C1orf21: variants seen among roughly 807,000 people sequenced by gnomAD.
C1orf21 encodes the protein chromosome 1 open reading frame 21.
Under a neutral mutation model 18.7 loss-of-function variants are expected in C1orf21, and 3 were observed. That is an observed-to-expected ratio of 0.16 (90% CI 0.07 to 0.42). The LOEUF (loss-of-function observed/expected upper bound fraction) is 0.42, where lower values mean the gene tolerates loss of function less well. C1orf21 is among the 10% of genes least tolerant of loss of function. The pLI is 0.99. For synonymous variants in C1orf21, 41 were observed against 46.4 expected, an observed-to-expected ratio of 0.88 and a Z score of 0.47; for missense variants, 104 against 143.6, an observed-to-expected ratio of 0.72 and a Z score of 1.41.
intron 5 of C1orf21, among the ~76,000 whole-genome samples, chr1:184,607,280 A>G (rs1239775536): frequency 2.0e-5 from 3 of 152,344 alleles, no homozygotes; most frequent in African/African-American, 2.4e-5. Flanking sequence ...AGGGAGCCGG[A>G]TGAGTATCAT....
At chr1:184,576,471 G>A (rs1659191218) in intron 3 of C1orf21, among the ~76,000 whole-genome samples, 1 of 152,218 alleles carries the variant, frequency 6.6e-6, no homozygotes, top group South Asian at 2.1e-4. Flanking sequence ...AGAACAGACA[G>A]TTCTCAGAAC....
chr1:184,593,303 A>G lies in C1orf21; in HGVS notation c.266+2488A>G, dbSNP rs139737562. The stretch of plus-strand genomic sequence containing the variant: ...TGTGTGTGTGTGTGTGTACACACAC[A>G]TGTGTGTATGTATTTCAAACTGTGA... On this transcript the variant is annotated intron_variant, in intron 4 of 5. Transcript: ENST00000235307. Among the ~76,000 whole-genome samples the G allele has an allele frequency of 7.5e-3, 1,147 of 152,106 alleles. 6 individuals carry two copies. Among genetic ancestry groups the G allele is most frequent in the Middle Eastern group, 0.02 (6 of 294 alleles).
chr1:184,575,716 AC>A (rs2101991998), intron 3 of C1orf21, among the ~76,000 whole-genome samples: 1 of 152,156 alleles, frequency 6.6e-6, no homozygotes, highest in Admixed American at 6.5e-5. Context: ...AAATTTTAAT[AC>A]AAAGAGTTCA....
chr1:184,556,327 A>G (rs1365450155), intron 3 of C1orf21, among the ~76,000 whole-genome samples: 1 of 152,206 alleles, frequency 6.6e-6, no homozygotes, highest in Non-Finnish European at 1.5e-5. Flanking sequence ...TTATCAAAGC[A>G]TATCCAAAAA....
At chr1:184,499,132 CT>C (rs1261644621) in intron 2 of C1orf21, among the ~76,000 whole-genome samples, 1 of 151,978 alleles carries the variant, frequency 6.6e-6, no homozygotes, top group African/African-American at 2.4e-5. Context: ...CCTCCTACCC[CT>C]CTTCTTCCTC....
intron 5 of C1orf21, among the ~76,000 whole-genome samples, chr1:184,618,641 C>G (rs921979652): frequency 6.8e-6 from 1 of 146,506 alleles, no homozygotes; most frequent in Non-Finnish European, 1.5e-5. Context: ...AACATTCCCC[C>G]CCCCCAAGAA....
intron 3 of C1orf21, among the ~76,000 whole-genome samples, chr1:184,541,256 CT>C (rs995741076): frequency 2.0e-5 from 3 of 152,136 alleles, no homozygotes; most frequent in African/African-American, 7.2e-5. Context: ...ATAAATTATA[CT>C]TTTTTCACAC....
chr1:184,427,694 C>T (rs1656663591), intron 1 of C1orf21, among the ~76,000 whole-genome samples: 1 of 152,206 alleles, frequency 6.6e-6, no homozygotes, highest in Admixed American at 6.5e-5. Flanking sequence ...AGTGACCCTC[C>T]AGCTCCAAAA....
At chr1:184,612,057 C>T (rs1454609095) in intron 5 of C1orf21, among the ~76,000 whole-genome samples, 1 of 152,062 alleles carries the variant, frequency 6.6e-6, no homozygotes, top group Middle Eastern at 3.2e-3. Flanking sequence ...GGAAATTATT[C>T]AACAAAAGGC....
intron 3 of C1orf21, among the ~76,000 whole-genome samples, chr1:184,518,188 G>C (rs1178939368): frequency 6.6e-6 from 1 of 152,196 alleles, no homozygotes; most frequent in Non-Finnish European, 1.5e-5. Flanking sequence ...AGCTGGAGTA[G>C]AGTTTAATTC....
intron 2 of C1orf21, among the ~76,000 whole-genome samples, chr1:184,485,329 A>T (rs1249317272): frequency 1.3e-5 from 2 of 152,222 alleles, no homozygotes. Flanking sequence ...ATTACATGTT[A>T]AATGATATAT....
intron 2 of C1orf21, among the ~76,000 whole-genome samples, chr1:184,499,211 A>C (rs1419783099): frequency 6.6e-6 from 1 of 151,638 alleles, no homozygotes; most frequent in East Asian, 1.9e-4. Flanking sequence ...AATATCCTTG[A>C]TTTTATTGCT....
At chr1:184,617,741 G>A (rs1659850582) in intron 5 of C1orf21, among the ~76,000 whole-genome samples, 1 of 152,074 alleles carries the variant, frequency 6.6e-6, no homozygotes, top group African/African-American at 2.4e-5. Context: ...CAAGCGGTAG[G>A]GGTGGGAGTT....
At chr1:184,411,940 T>C (rs1253728925) in intron 1 of C1orf21, 7 of 152,242 alleles carry the variant, frequency 4.6e-5, no homozygotes, top group Non-Finnish European at 1.0e-4. Flanking sequence ...TATGGCTGTT[T>C]ATTGCCTAAT....
chr1:184,617,731 C>G (rs983622809), intron 5 of C1orf21, among the ~76,000 whole-genome samples: 1 of 152,082 alleles, frequency 6.6e-6, no homozygotes, highest in African/African-American at 2.4e-5. Context: ...AGACACTCTG[C>G]AAGCGGTAGG....
intron 3 of C1orf21, among the ~76,000 whole-genome samples, chr1:184,551,652 C>T (rs1056793235): frequency 2.6e-5 from 4 of 152,122 alleles, no homozygotes; most frequent in Admixed American, 6.5e-5. Flanking sequence ...GCCAATCTAC[C>T]GTGTTTGGCA....
intron 1 of C1orf21, among the ~76,000 whole-genome samples, chr1:184,413,467 A>T (rs1656393245): frequency 6.6e-6 from 1 of 152,174 alleles, no homozygotes; most frequent in South Asian, 2.1e-4. Context: ...GGTAGAGTTG[A>T]ATTTTTTTAG....
chr1:184,563,311 A>G (rs1374622385), intron 3 of C1orf21, among the ~76,000 whole-genome samples: 1 of 152,224 alleles, frequency 6.6e-6, no homozygotes, highest in Non-Finnish European at 1.5e-5. Flanking sequence ...CATGAATAAA[A>G]ATTAACTGCA....
intron 3 of C1orf21, among the ~76,000 whole-genome samples, chr1:184,549,701 T>C (rs1658786222): frequency 6.6e-6 from 1 of 152,102 alleles, no homozygotes; most frequent in East Asian, 1.9e-4. Context: ...CAGGCAGTTC[T>C]GGAACATTCC....
Sources: gnomAD v4.1 joint callset for allele counts (sites outside exome capture counted in the v4.1 genomes callset) on GRCh38, gnomAD v4.1.1 for gene constraint, MANE v1.5 for transcripts, NCBI Gene and HGNC (gene_info 2026-07-23, HGNC 2026-07-21) for gene names.